Variants in GRM4 observed in about 807,000 individuals in gnomAD.
The protein encoded by GRM4 is metabotropic glutamate receptor 4.
Under a neutral mutation model 81.7 loss-of-function variants are expected in GRM4, and 28 were observed. The observed-to-expected ratio is 0.34, with a 90% confidence interval of 0.25 to 0.47. GRM4 has a LOEUF of 0.47. Ranked by LOEUF, GRM4 falls within the 20% of genes least tolerant of loss-of-function variation. The probability of loss-of-function intolerance (pLI) is 1.00; values close to 1 mark genes in which losing one functional copy is unlikely to be tolerated. For synonymous variants in GRM4, 488 were observed against 528.8 expected (o/e 0.92, Z 1.06); for missense variants, 948 against 1,290.0 (o/e 0.73, Z 4.06).
At chr6:34,027,489 G>A (rs1008023581) in intron 10 of GRM4, among the ~76,000 whole-genome samples, 2 of 152,102 alleles carry the variant, frequency 1.3e-5, no homozygotes, top group Non-Finnish European at 2.9e-5. Context: ...CCTGAGCGCC[G>A]CTAGGCAGTC....
chr6:34,049,404 G>T (rs932265773), intron 6 of GRM4, among the ~76,000 whole-genome samples: 2 of 151,748 alleles, frequency 1.3e-5, no homozygotes, highest in East Asian at 1.9e-4. Flanking sequence ...TTCCATGCTG[G>T]CCCCCTTCTC....
chr6:34,071,493 C>A, intron 3 of GRM4, among the ~76,000 whole-genome samples: 1 of 75,282 alleles, frequency 1.3e-5, no homozygotes. Flanking sequence ...CACACATCAC[C>A]ACACACATAC....
intron 1 of GRM4, among the ~76,000 whole-genome samples, chr6:34,139,438 C>T (rs1245261658): frequency 6.6e-6 from 1 of 152,228 alleles, no homozygotes; most frequent in Non-Finnish European, 1.5e-5. Context: ...TTCCCCCAAC[C>T]TATGATTCCC....
Position 34,022,852 on chromosome 6 carries a change from G to A in GRM4, c.2708C>T (p.Thr903Ile). 6.2e-7 allele frequency: 1 copy of A among 1,614,028 alleles called. No individual in the cohort carries two copies. The change falls in exon 11 of 11, where the codon ACT (threonine) becomes ATT (isoleucine). Residue 903 changes from threonine (T) to isoleucine (I), a missense_variant. Thr to Ile is a moderately conservative substitution (Grantham distance 89, BLOSUM62 -1). Transcript: ENST00000538487. This position sits in a 1 kb window ranked among gnomAD's most constrained non-coding sequence, Gnocchi z 5.6. The stretch of plus-strand genomic sequence containing the variant: ...TGCATGGTTGGTGTAAGTGACGTAA[G>A]TCTGTTTGGTGGCCAGCGCTGGAAG... ...LEAPALATKQTYVTYTNHAI is the reference protein window; with the variant it reads ...LEAPALATKQIYVTYTNHAI
Position 34,114,364 on chromosome 6 carries a change from C to T in GRM4, c.519+18614G>A, listed in dbSNP as rs533852047. Among the ~76,000 whole-genome samples the T allele has an allele frequency of 1.2e-4, 18 of 152,302 alleles. No homozygotes were observed. The South Asian group carries it at 3.5e-3, about 30-fold the overall frequency. On this transcript the variant is annotated intron_variant, in intron 2 of 10. Coordinates refer to ENST00000538487, the MANE Select transcript of GRM4 (RefSeq NM_000841.4). The surrounding 1 kb of genome is among the most constrained non-coding windows in gnomAD (Gnocchi z 4.3). ...ATATGAACCAATGGATGTCACTATG[C>T]ATAAGGCCATCATCCGGGCCACCAT...
chr6:34,026,885 G>A (rs1764160054), intron 10 of GRM4, among the ~76,000 whole-genome samples: 1 of 152,210 alleles, frequency 6.6e-6, no homozygotes, highest in Non-Finnish European at 1.5e-5. Context: ...GCAGAGAGGT[G>A]GTCTGGATGG....
At chr6:34,044,758 A>G (rs1765264159) in intron 6 of GRM4, among the ~76,000 whole-genome samples, 1 of 132,812 alleles carries the variant, frequency 7.5e-6, no homozygotes. Flanking sequence ...ATATACACAT[A>G]CACACACATA....
Position 34,075,558 on chromosome 6 carries a change from T to C in GRM4, c.737-13530A>G, listed in dbSNP as rs971868152. 2.6e-5 allele frequency among the ~76,000 whole-genome samples: 4 copies of C among 152,338 alleles called. No individual in the cohort carries two copies. In the South Asian group the frequency reaches 6.2e-4, roughly 24 times the overall value. On this transcript the variant is annotated intron_variant, in intron 3 of 10. Transcript: ENST00000538487. ...CCCGTCTGCTCCTCTCCACTGGCAC[T>C]TGCCATCCTCCACTTTGTGCTGTGG... is the stretch of plus-strand genomic sequence containing the variant.
intron 3 of GRM4, among the ~76,000 whole-genome samples, chr6:34,077,430 G>A (rs1237274698): frequency 1.3e-5 from 2 of 152,048 alleles, no homozygotes; most frequent in African/African-American, 4.8e-5. Flanking sequence ...CTCCACTCCT[G>A]TCGACACCAT....
chr6:34,116,083 C>G (rs2127501310), intron 2 of GRM4, among the ~76,000 whole-genome samples: 1 of 152,266 alleles, frequency 6.6e-6, no homozygotes, highest in African/African-American at 2.4e-5. Context: ...CACAAACTAA[C>G]TGGGTCACCC....
At chr6:34,097,706 G>A (rs537215667) in intron 2 of GRM4, among the ~76,000 whole-genome samples, 2 of 152,360 alleles carry the variant, frequency 1.3e-5, no homozygotes, top group South Asian at 2.1e-4. Flanking sequence ...GGATGCTGGA[G>A]GGCAGGGAAT....
intron 3 of GRM4, among the ~76,000 whole-genome samples, chr6:34,079,096 T>C (rs964782236): frequency 6.6e-5 from 10 of 152,156 alleles, no homozygotes; most frequent in Non-Finnish European, 8.8e-5. Context: ...GTTGTCCCCA[T>C]ACTACAGGTG....
chr6:34,050,469 GCTC>G (rs889715871), intron 6 of GRM4, among the ~76,000 whole-genome samples: 2 of 152,090 alleles, frequency 1.3e-5, no homozygotes, highest in Non-Finnish European at 2.9e-5. Flanking sequence ...AAAGAGCCTG[GCTC>G]CTCCTCCTCT....
At position 34,020,351 on chromosome 6, in the gene GRM4, C is replaced by T. The variant is rs1364768397; in HGVS notation, c.*2470G>A. 6.6e-6 allele frequency: 1 copy of T among 152,388 alleles called. No individual in the cohort carries two copies. The highest frequency in any genetic ancestry group is 1.5e-5 in the Non-Finnish European group (1 of 68,198). 9.4% of individuals were successfully genotyped at this position (152,388 alleles called of 1,614,324 possible). A position where few individuals can be genotyped will look rare whatever the true frequency, so the allele number is the denominator to read the frequency against. On this transcript the variant is annotated 3_prime_UTR_variant, in exon 11 of 11. Coordinates refer to ENST00000538487, the MANE Select transcript of GRM4 (RefSeq NM_000841.4). ...TAGGGGGACCTAGGCAAGTCCTGGACTGAGCATGAAACCCCTGCAGGCCCT... is the reference window on the plus strand; with the variant it reads ...TAGGGGGACCTAGGCAAGTCCTGGATTGAGCATGAAACCCCTGCAGGCCCT...
At chr6:34,044,467 G>A (rs1039890384) in intron 6 of GRM4, among the ~76,000 whole-genome samples, 1 of 109,520 alleles carries the variant, frequency 9.1e-6, no homozygotes. Flanking sequence ...CACACACACA[G>A]ACATACATAC....
In GRM4 at chr6:34,070,001, C is replaced by G. The variant is rs1766724563; in HGVS notation, c.737-7973G>C. Among the ~76,000 whole-genome samples the G allele has an allele frequency of 6.6e-6, 1 of 152,186 alleles. No homozygotes were observed. Among genetic ancestry groups the G allele is most frequent in the Non-Finnish European group, 1.5e-5 (1 of 68,034 alleles). ...GGGCCTGCCCAGGACGGCGGTAATC[C>G]ACACTTGCTGGACGAATGGAGAACT... On this transcript the variant is annotated intron_variant, in intron 3 of 10. Coordinates refer to ENST00000538487, the MANE Select transcript of GRM4 (RefSeq NM_000841.4). This position sits in a 1 kb window ranked among gnomAD's most constrained non-coding sequence, Gnocchi z 4.6.
intron 6 of GRM4, among the ~76,000 whole-genome samples, chr6:34,043,084 G>A (rs1041604027): frequency 1.3e-5 from 2 of 152,184 alleles, no homozygotes; most frequent in East Asian, 1.9e-4. Context: ...CAAGAAAACT[G>A]AGGCTGGTGG....
At chr6:34,039,464 C>T (rs1297820572) in intron 8 of GRM4, among the ~76,000 whole-genome samples, 1 of 152,148 alleles carries the variant, frequency 6.6e-6, no homozygotes, top group African/African-American at 2.4e-5. Flanking sequence ...TATGGCTCAC[C>T]CCTTCCCCTT....
chr6:34,066,219 G>T (rs756008744), intron 3 of GRM4, among the ~76,000 whole-genome samples: 1 of 152,154 alleles, frequency 6.6e-6, no homozygotes, highest in Non-Finnish European at 1.5e-5. Flanking sequence ...ACCCCGGCAC[G>T]TGGGCACAGG....
Sources: gnomAD v4.1 joint callset for allele counts (sites outside exome capture counted in the v4.1 genomes callset) on GRCh38, gnomAD v4.1.1 for gene constraint, Gnocchi (gnomAD v3.1) non-coding constraint, MANE v1.5 for transcripts, NCBI Gene and HGNC (gene_info 2026-07-23, HGNC 2026-07-21) for gene names.